The following NRG4 variants were observed in gnomAD, a reference collection of about 807,000 sequenced individuals.
NRG4 encodes the protein pro-neuregulin-4, membrane-bound isoform.
In NRG4, 10 loss-of-function variants were observed where a neutral mutation model predicts 15.0. The ratio of observed to expected loss-of-function variants is 0.67; its 90% CI spans 0.41 to 1.13. The LOEUF (loss-of-function observed/expected upper bound fraction) is 1.13. NRG4 is among the 50% of genes most tolerant of loss of function. NRG4 has a pLI of 0.00. For synonymous variants in NRG4, 41 were observed against 50.1 expected, an observed-to-expected ratio of 0.82 and a Z score of 0.77; for missense variants, 139 against 140.2, an observed-to-expected ratio of 0.99 and a Z score of 0.04.
intron 3 of NRG4, among the ~76,000 whole-genome samples, chr15:75,974,290 A>G (rs957828175): frequency 5.9e-5 from 9 of 151,830 alleles, no homozygotes; most frequent in Admixed American, 1.3e-4. Flanking sequence ...CAGTCTATCT[A>G]TTTTGTTAAT....
chr15:75,976,579 C>T (rs767906553), intron 3 of NRG4, among the ~76,000 whole-genome samples: 7 of 152,146 alleles, frequency 4.6e-5, no homozygotes, highest in Non-Finnish European at 1.0e-4. Context: ...TTCTAACAGT[C>T]AGGCTCCTCT....
At chr15:75,954,265 GT>G (rs774149763) in intron 5 of NRG4, among the ~76,000 whole-genome samples, 151 of 135,940 alleles carry the variant, frequency 1.1e-3, no homozygotes, top group Non-Finnish European at 1.4e-3. Context: ...TTGTTTTTTT[GT>G]TTTTTTTTTT....
At chr15:75,999,389 C>G (rs979318847) in intron 3 of NRG4, among the ~76,000 whole-genome samples, 1 of 152,206 alleles carries the variant, frequency 6.6e-6, no homozygotes, top group Non-Finnish European at 1.5e-5. Flanking sequence ...CATGAATGGA[C>G]TAGTTCCTTA....
intron 5 of NRG4, among the ~76,000 whole-genome samples, chr15:76,027,678 T>A (rs2035351988): frequency 6.6e-6 from 1 of 152,166 alleles, no homozygotes; most frequent in South Asian, 2.1e-4. Flanking sequence ...GGATTTAAAC[T>A]GCACCATAGG....
At chr15:76,027,377 C>T (rs977413839) in intron 5 of NRG4, among the ~76,000 whole-genome samples, 5 of 151,396 alleles carry the variant, frequency 3.3e-5, no homozygotes, top group African/African-American at 9.7e-5. Context: ...ATATAACAGT[C>T]GTAAATATAT....
At chr15:76,002,169 G>A (rs547540135) in intron 3 of NRG4, among the ~76,000 whole-genome samples, 1 of 152,250 alleles carries the variant, frequency 6.6e-6, no homozygotes, top group South Asian at 2.1e-4. Context: ...ATATTTGACA[G>A]CACAACAATA....
At chr15:75,982,623 G>A (rs1041080210) in intron 3 of NRG4, among the ~76,000 whole-genome samples, 2 of 152,218 alleles carry the variant, frequency 1.3e-5, no homozygotes, top group Admixed American at 1.3e-4. Context: ...GGGAGGTCAC[G>A]CTAGTTTGGA....
In NRG4 at chr15:76,046,821, G is replaced by A. The variant is rs111485733; in HGVS notation, c.-105+5246C>T. Reference sequence around the variant, plus strand: ...AAATAGACAAATGGGATTACATCAAGCTAAAAAGCTTCTGCACAAGGACAC... The same window carrying A: ...AAATAGACAAATGGGATTACATCAAACTAAAAAGCTTCTGCACAAGGACAC... On this transcript the variant is annotated intron_variant, in intron 4 of 8. Transcript: ENST00000563910. 4.8e-3 allele frequency among the ~76,000 whole-genome samples: 728 copies of A among 150,996 alleles called. 51 individuals are homozygous for A. The highest frequency in any genetic ancestry group is 0.017 in the African/African-American group (685 of 40,580).
In NRG4 at chr15:76,012,355, G is replaced by A. The variant is rs538720308; in HGVS notation, c.-93C>T. The A allele has an allele frequency of 6.6e-6, 1 of 152,306 alleles. No homozygotes were observed. The highest frequency in any genetic ancestry group is 1.9e-4 in the East Asian group (1 of 5,184). 9.4% of individuals were successfully genotyped at this position (152,306 alleles called of 1,614,324 possible). A position where few individuals can be genotyped will look rare whatever the true frequency, so the allele number is the denominator to read the frequency against. ...AAATAAATTTTGTTGGACATGCAGT[G>A]TTTCAAAAGTTTTTGAATACCGCAG... On this transcript the variant is annotated 5_prime_UTR_variant, in exon 1 of 6. Transcript: ENST00000394907.
chr15:76,051,720 C>T lies in NRG4; in HGVS notation c.-105+347G>A, dbSNP rs139925517. On this transcript the variant is annotated intron_variant, in intron 4 of 8. Transcript: ENST00000563910. ...CTGGGACCACAGGCGCCCGCCACCACGCCTGGCTAATCTTTTTTTTTATTT... is the reference window on the plus strand; with the variant it reads ...CTGGGACCACAGGCGCCCGCCACCATGCCTGGCTAATCTTTTTTTTTATTT... Among the ~76,000 whole-genome samples the T allele has an allele frequency of 8.5e-3, 1,272 of 150,274 alleles. 97 individuals are homozygous for T. Among genetic ancestry groups the T allele is most frequent in the African/African-American group, 0.031 (1,248 of 40,038 alleles).
chr15:76,010,206 A>C (rs2141909669), intron 2 of NRG4, among the ~76,000 whole-genome samples: 1 of 152,276 alleles, frequency 6.6e-6, no homozygotes, highest in East Asian at 1.9e-4. Context: ...TATGAAGAGA[A>C]AATTGGTGAA....
intron 5 of NRG4, among the ~76,000 whole-genome samples, chr15:76,019,180 C>A (rs1246833253): frequency 6.6e-6 from 1 of 152,160 alleles, no homozygotes; most frequent in African/African-American, 2.4e-5. Context: ...GCATCCCTCC[C>A]TCCACCAAGC....
intron 3 of NRG4, among the ~76,000 whole-genome samples, chr15:75,991,442 T>C (rs1314507619): frequency 6.6e-6 from 1 of 152,212 alleles, no homozygotes; most frequent in African/African-American, 2.4e-5. Flanking sequence ...AGTTTGCTGA[T>C]CTTTGCCCTA....
chr15:75,992,916 CT>C (rs199501046), intron 3 of NRG4, among the ~76,000 whole-genome samples: 6,741 of 144,586 alleles, frequency 0.047, 270 homozygotes, highest in African/African-American at 0.11. Flanking sequence ...TTGATGGACA[CT>C]TTTTTTTTTT....
At chr15:75,971,565 G>A (rs2033092597) in intron 3 of NRG4, among the ~76,000 whole-genome samples, 1 of 152,052 alleles carries the variant, frequency 6.6e-6, no homozygotes, top group Non-Finnish European at 1.5e-5. Context: ...CTCTCATTAT[G>A]TGAGATATAA....
intron 4 of NRG4, among the ~76,000 whole-genome samples, chr15:76,051,017 A>AT (rs1280007634): frequency 1.4e-5 from 2 of 146,212 alleles, no homozygotes; most frequent in Non-Finnish European, 3.0e-5. Flanking sequence ...TTTTATTTTT[A>AT]TTTTTTGAGA....
At chr15:76,007,427 CTT>C (rs61259541) in intron 3 of NRG4, among the ~76,000 whole-genome samples, 8 of 133,510 alleles carry the variant, frequency 6.0e-5, no homozygotes, top group African/African-American at 1.7e-4. Context: ...ATTAAACGCA[CTT>C]TTTTTTTTTT....
intron 4 of NRG4, among the ~76,000 whole-genome samples, chr15:75,960,188 C>T (rs1403701591): frequency 6.6e-6 from 1 of 152,162 alleles, no homozygotes; most frequent in Non-Finnish European, 1.5e-5. Flanking sequence ...GAAACTATAT[C>T]TCCAAACTGG....
chr15:76,018,346 T>C (rs886957281), intron 5 of NRG4, among the ~76,000 whole-genome samples: 1 of 152,188 alleles, frequency 6.6e-6, no homozygotes, highest in Non-Finnish European at 1.5e-5. Context: ...TCAAACTCAT[T>C]CTCCATCCAG....
Sources: gnomAD v4.1 joint callset for allele counts (sites outside exome capture counted in the v4.1 genomes callset) on GRCh38, gnomAD v4.1.1 for gene constraint, MANE v1.5 for transcripts, NCBI Gene and HGNC (gene_info 2026-07-23, HGNC 2026-07-21) for gene names.